WDR43: variants seen among roughly 807,000 people sequenced by gnomAD.
The protein encoded by WDR43 is WD repeat domain 43, also known as WD repeat-containing protein 43.
WDR43 carries 13 observed loss-of-function variants against 91.4 expected under a neutral mutation model. That is an observed-to-expected ratio of 0.14 (90% CI 0.09 to 0.23). The LOEUF is 0.23. Among genes scored for constraint, WDR43 ranks in the 10% least tolerant of loss-of-function variants. WDR43 has a pLI of 1.00. For missense variants in WDR43, 780 were observed against 809.4 expected (o/e 0.96, Z 0.44); for synonymous variants, 331 against 287.9 (o/e 1.15, Z -1.51).
rs1558364848 is a variant in WDR43, at chr2:28,894,943, G to GCGGGGCGGGCGCCTTCC, written c.225+25_225+41dup. The GCGGGGCGGGCGCCTTCC allele has an allele frequency of 1.3e-6, 2 of 1,515,982 alleles. No individual in the cohort carries two copies. The highest frequency in any genetic ancestry group is 2.5e-5 in the South Asian group (2 of 81,498). 93.9% of individuals were successfully genotyped at this position (1,515,982 alleles called of 1,614,324 possible). ...GCCAAGGTAAAGCGAGCGGGACTGC[G>GCGGGGCGGGCGCCTTCC]CGGGGCGGGCGCCTTCCCGGGCTCG... On this transcript the variant is annotated intron_variant, in intron 1 of 17. Transcript: ENST00000407426.
rs1179552407 is a variant in WDR43, at chr2:28,910,291, G to A, written c.486-2299G>A. Among the ~76,000 whole-genome samples, 4 of 152,296 alleles carry A rather than the reference G, an allele frequency of 2.6e-5. No homozygotes were observed. In the East Asian group the frequency reaches 7.7e-4, roughly 29 times the overall value. On this transcript the variant is annotated intron_variant, in intron 3 of 17. Coordinates refer to ENST00000407426, the MANE Select transcript of WDR43 (RefSeq NM_015131.3). ...ATCAGCCTCGTCTAGGCAGGATGGC[G>A]ATTGTGTCTTTTATATATGTATCAA...
At chr2:28,917,462 A>G (rs1670934328) in intron 5 of WDR43, among the ~76,000 whole-genome samples, 1 of 152,188 alleles carries the variant, frequency 6.6e-6, no homozygotes, top group Non-Finnish European at 1.5e-5. Flanking sequence ...TTTTTGAGAA[A>G]TTGACAGACT....
intron 1 of WDR43, among the ~76,000 whole-genome samples, chr2:28,897,517 G>C (rs976478856): frequency 6.6e-6 from 1 of 152,184 alleles, no homozygotes; most frequent in Non-Finnish European, 1.5e-5. Flanking sequence ...GGCAATGTAT[G>C]TGACTGGTGT....
At chr2:28,911,253 A>G (rs1259810542) in intron 3 of WDR43, among the ~76,000 whole-genome samples, 5 of 151,468 alleles carry the variant, frequency 3.3e-5, no homozygotes, top group Non-Finnish European at 7.4e-5. Context: ...GACTTACTCC[A>G]TTGTTGACTG....
In WDR43 at chr2:28,894,840, C is replaced by G; in HGVS notation, c.142C>G (p.Leu48Val). 1 of 1,611,276 alleles carries G rather than the reference C, an allele frequency of 6.2e-7. No individual in the cohort carries two copies. Among genetic ancestry groups the G allele is most frequent in the East Asian group, 2.2e-5 (1 of 44,778 alleles). ...LRVWETANNR[L>V]HQEYVPSAHL... ...AGTATGGGAGACGGCCAACAACCGG[C>G]TGCACCAGGAGTACGTGCCTTCCGC... Residue 48 changes from leucine to valine, a missense_variant, in exon 1 of 18, where the codon CTG becomes GTG. This residue lies in a region of WDR43 where 175 missense variants were observed against 113.8 expected (regional missense o/e 1.54). Transcript: ENST00000407426.
At chr2:28,919,611 G>C (rs920181963) in intron 6 of WDR43, among the ~76,000 whole-genome samples, 2 of 150,092 alleles carry the variant, frequency 1.3e-5, no homozygotes, top group Non-Finnish European at 3.0e-5. Flanking sequence ...AGCCGAGATA[G>C]TGCCACTGCA....
chr2:28,929,605 A>G lies in WDR43; in HGVS notation c.1332A>G (p.Ala444=), dbSNP rs749134161. ...TTAGCATTGAAGAACGTCTGGGAGC[A>G]ATGGATATAGACACACACAAAAAAG... ...NEVSIEERLG[A]MDIDTHKKGK... Residue 444 remains alanine, a synonymous_variant, in exon 11 of 18, where the codon GCA becomes GCG. Coordinates refer to ENST00000407426, the MANE Select transcript of WDR43 (RefSeq NM_015131.3). 6.2e-7 allele frequency: 1 copy of G among 1,613,130 alleles called. No homozygotes were observed. Among genetic ancestry groups the G allele is most frequent in the African/African-American group, 1.3e-5 (1 of 75,010 alleles).
In WDR43 at chr2:28,926,455, A is replaced by AT. The variant is rs775910978; in HGVS notation, c.1087-13_1087-12insT. ...TCCTCTCATCTTCCCCTTTAAAAAA[A>AT]ATATATTTTCAGGCTTTAAACTCCA... On this transcript the variant is annotated splice_polypyrimidine_tract_variant and intron_variant, in intron 8 of 17. Coordinates refer to ENST00000407426, the MANE Select transcript of WDR43 (RefSeq NM_015131.3). 16 of 1,522,454 alleles carry AT rather than the reference A, an allele frequency of 1.1e-5. No individual in the cohort carries two copies. Among genetic ancestry groups the AT allele is most frequent in the Admixed American group, 8.3e-5 (4 of 48,442 alleles). 94.3% of individuals were successfully genotyped at this position (1,522,454 alleles called of 1,614,324 possible). A position where few individuals can be genotyped will look rare whatever the true frequency, so the allele number is the denominator to read the frequency against.
chr2:28,914,943 T>G (rs1425799659), intron 5 of WDR43, among the ~76,000 whole-genome samples: 2 of 151,914 alleles, frequency 1.3e-5, no homozygotes, highest in Non-Finnish European at 2.9e-5. Context: ...ATAAAAAATT[T>G]GGTGATACAA....
chr2:28,932,410 C>T (rs947456723), intron 11 of WDR43, among the ~76,000 whole-genome samples: 1 of 152,232 alleles, frequency 6.6e-6, no homozygotes, highest in South Asian at 2.1e-4. Context: ...TCACCTGCCC[C>T]TCTTGGCCTC....
At chr2:28,939,483 G>A (rs1671395445) in intron 14 of WDR43, among the ~76,000 whole-genome samples, 1 of 152,186 alleles carries the variant, frequency 6.6e-6, no homozygotes, top group East Asian at 1.9e-4. Context: ...GGGCCCCTCA[G>A]CCCGTAGCAG....
intron 16 of WDR43, among the ~76,000 whole-genome samples, chr2:28,944,505 A>G (rs1671506902): frequency 6.6e-6 from 1 of 152,254 alleles, no homozygotes; most frequent in African/African-American, 2.4e-5. Context: ...AGATTATATA[A>G]GTATGTTCAT....
At chr2:28,928,740 G>A (rs1671189276) in intron 10 of WDR43, among the ~76,000 whole-genome samples, 1 of 152,096 alleles carries the variant, frequency 6.6e-6, no homozygotes, top group Non-Finnish European at 1.5e-5. Flanking sequence ...GGGGTGCAAT[G>A]GTTTGATCTT....
intron 6 of WDR43, among the ~76,000 whole-genome samples, chr2:28,919,453 G>C (rs1670979856): frequency 6.6e-6 from 1 of 152,068 alleles, no homozygotes; most frequent in Non-Finnish European, 1.5e-5. Context: ...TGGATCATGA[G>C]GTCAGGAGAT....
rs115135527 is a variant in WDR43, at chr2:28,939,586, A to G, written c.1620+1592A>G. ...AAGTGCCTTCTGTAAGCCAAGGGCT[A>G]TGCCAGGCATGGGGATTCAGCAATG... On this transcript the variant is annotated intron_variant, in intron 14 of 17. Transcript: ENST00000407426. Among the ~76,000 whole-genome samples, 358 of 152,286 alleles carry G rather than the reference A, an allele frequency of 2.4e-3. 6 individuals are homozygous for G. The highest frequency in any genetic ancestry group is 8.3e-3 in the African/African-American group (345 of 41,560).
chr2:28,937,926 T>C lies in WDR43; in HGVS notation c.1557-5T>C, dbSNP rs999679210. ...ACATTAGTTTACTTGGATTTTTTTT[T>C]CCAGTGCTGTGCTAATGGTTCAGTG... On this transcript the variant is annotated splice_region_variant and splice_polypyrimidine_tract_variant and intron_variant, in intron 13 of 17. Coordinates refer to ENST00000407426, the MANE Select transcript of WDR43 (RefSeq NM_015131.3). 1.2e-6 allele frequency: 2 copies of C among 1,612,116 alleles called. No homozygotes were observed. The highest frequency in any genetic ancestry group is 2.7e-5 in the African/African-American group (2 of 74,920).
chr2:28,905,123 G>C (rs1670653582), intron 2 of WDR43: 1 of 152,150 alleles, frequency 6.6e-6, no homozygotes, highest in Admixed American at 6.6e-5. Context: ...GATGGCAAGA[G>C]CAAATGAGGG....
chr2:28,917,779 G>T, intron 5 of WDR43, 114 bp from the exon 6 acceptor site: 1 of 885,184 alleles, frequency 1.1e-6, no homozygotes, highest in South Asian at 1.6e-5. Context: ...TTCAAAAGAT[G>T]ACAAAGCTAT....
At chr2:28,933,431 C>T (rs1381997119) in intron 11 of WDR43, among the ~76,000 whole-genome samples, 1 of 152,038 alleles carries the variant, frequency 6.6e-6, no homozygotes, top group Non-Finnish European at 1.5e-5. Context: ...TACAAAACTT[C>T]TGGGAAAAAA....
Sources: allele counts gnomAD v4.1 joint callset (sites outside exome capture counted in the v4.1 genomes callset), GRCh38; gene constraint gnomAD v4.1.1; regional missense constraint gnomAD v4.1.1; transcripts MANE v1.5; gene names NCBI Gene and HGNC (gene_info 2026-07-23, HGNC 2026-07-21).